Variants in PRIM2 observed in about 807,000 individuals in gnomAD.
PRIM2 encodes DNA primase large subunit.
PRIM2 carries 39 observed loss-of-function variants against 67.3 expected under a neutral mutation model. The observed-to-expected ratio is 0.58, with a 90% CI of 0.45 to 0.76. The LOEUF (loss-of-function observed/expected upper bound fraction) is 0.76, where lower values mean the gene tolerates loss of function less well. PRIM2 is among the 30% of genes least tolerant of loss of function. The probability of loss-of-function intolerance (pLI) is 0.00; values close to 1 mark genes in which losing one functional copy is unlikely to be tolerated. For missense variants in PRIM2, 398 were observed against 598.7 expected (o/e 0.66, Z 3.50); for synonymous variants, 143 against 198.7 (o/e 0.72, Z 2.36).
intron 5 of PRIM2, among the ~76,000 whole-genome samples, chr6:57,349,079 ACAGAAACC>A (rs1322830414): frequency 1.3e-5 from 2 of 152,078 alleles, no homozygotes; most frequent in Admixed American, 6.6e-5. Context: ...GTGAACAACA[ACAGAAACC>A]CAGAAACCAA....
At chr6:57,267,795 A>C in the PRIM2 span, among the ~76,000 whole-genome samples, 6 of 150,254 alleles carry the variant, frequency 4.0e-5, no homozygotes, top group African/African-American at 1.2e-4. Context: ...TGGTCTCGAA[A>C]ACCTGGCCTC....
chr6:57,366,482 C>T (rs1425738474), intron 5 of PRIM2, among the ~76,000 whole-genome samples: 1 of 151,940 alleles, frequency 6.6e-6, no homozygotes, highest in Non-Finnish European at 1.5e-5. Flanking sequence ...AGGGGTGATG[C>T]GTTGCTTGTG....
chr6:57,636,982 C>G (rs1777133176), intron 13 of PRIM2, among the ~76,000 whole-genome samples: 1 of 152,120 alleles, frequency 6.6e-6, no homozygotes, highest in Non-Finnish European at 1.5e-5. Context: ...CAGCAGGGGC[C>G]GACAGACATC....
rs535775359 is a variant in PRIM2, at chr6:57,386,647, T to C, written c.693+4479T>C. Among the ~76,000 whole-genome samples the C allele has an allele frequency of 8.6e-4, 129 of 149,780 alleles. 1 individual carries two copies. In the Middle Eastern group the frequency reaches 0.01, roughly 12 times the overall value. On this transcript the variant is annotated intron_variant, in intron 7 of 13. Coordinates refer to ENST00000615550, the MANE Select transcript of PRIM2 (RefSeq NM_000947.5). ...GTGGGAGTTGTTGCCTGGGAGCCTGTCCTGACAGCTGTGGAAAGGAGCAGG... is the reference window on the plus strand; with the variant it reads ...GTGGGAGTTGTTGCCTGGGAGCCTGCCCTGACAGCTGTGGAAAGGAGCAGG...
At chr6:57,395,621 T>A (rs1770493661) in intron 7 of PRIM2, among the ~76,000 whole-genome samples, 1 of 152,154 alleles carries the variant, frequency 6.6e-6, no homozygotes, top group African/African-American at 2.4e-5. Context: ...AGCTTTTTGT[T>A]TCATTTATCT....
the PRIM2 span, among the ~76,000 whole-genome samples, chr6:57,279,799 G>A: frequency 6.6e-6 from 1 of 152,180 alleles, no homozygotes; most frequent in African/African-American, 2.4e-5. Flanking sequence ...AATGCAAAAA[G>A]CAGCCAAAGT....
the PRIM2 span, among the ~76,000 whole-genome samples, chr6:57,272,154 C>T: frequency 2.0e-5 from 3 of 152,106 alleles, no homozygotes; most frequent in African/African-American, 7.2e-5. Context: ...CAGCTTGGTG[C>T]AGAGTTGAGT....
chr6:57,607,839 A>G (rs1776590285), intron 12 of PRIM2, among the ~76,000 whole-genome samples: 1 of 152,160 alleles, frequency 6.6e-6, no homozygotes, highest in Non-Finnish European at 1.5e-5. Flanking sequence ...TTAGGGCATT[A>G]GATAATTTAG....
At chr6:57,268,434 CAAAATGTCTATGCATAAAAGGTGA>C in the PRIM2 span, among the ~76,000 whole-genome samples, 1 of 151,896 alleles carries the variant, frequency 6.6e-6, no homozygotes, top group East Asian at 1.9e-4. Context: ...CACATGACAT[CAAAATGTCTATGCATAAAAGGTGA>C]AAAAAAATGC....
At chr6:57,338,006 TA>T (rs1240374155) in intron 5 of PRIM2, among the ~76,000 whole-genome samples, 2 of 151,644 alleles carry the variant, frequency 1.3e-5, no homozygotes, top group Admixed American at 1.3e-4. Context: ...ATAGACGCAA[TA>T]AAAAATGATA....
At chr6:57,271,458 T>C in the PRIM2 span, among the ~76,000 whole-genome samples, 2 of 152,238 alleles carry the variant, frequency 1.3e-5, no homozygotes, top group African/African-American at 2.4e-5. Context: ...TGTATTTCTG[T>C]GGGATTGGTG....
intron 7 of PRIM2, among the ~76,000 whole-genome samples, chr6:57,389,034 C>A (rs1212505349): frequency 1.3e-5 from 2 of 152,192 alleles, no homozygotes; most frequent in African/African-American, 4.8e-5. Flanking sequence ...GGGGCAGATC[C>A]TTAAATTGGA....
intron 8 of PRIM2, among the ~76,000 whole-genome samples, chr6:57,510,972 C>T (rs1361026825): frequency 2.4e-4 from 36 of 151,616 alleles, no homozygotes; most frequent in South Asian, 2.1e-4. Flanking sequence ...AGGTTGATAC[C>T]GAGATCATTA....
At chr6:57,251,889 T>C in the PRIM2 span, among the ~76,000 whole-genome samples, 1 of 152,212 alleles carries the variant, frequency 6.6e-6, no homozygotes, top group South Asian at 2.1e-4. Flanking sequence ...TTCCTTCCAA[T>C]TTCACCTGTT....
chr6:57,267,658 C>T, the PRIM2 span, among the ~76,000 whole-genome samples: 1 of 151,526 alleles, frequency 6.6e-6, no homozygotes, highest in African/African-American at 2.4e-5. Flanking sequence ...CTTGTAATTC[C>T]AGCACTTTGG....
chr6:57,318,523 T>A lies in PRIM2; in HGVS notation c.78T>A (p.Leu26=). The A allele has an allele frequency of 1.2e-6, 2 of 1,604,404 alleles. No homozygotes were observed. Among genetic ancestry groups the A allele is most frequent in the Non-Finnish European group, 1.7e-6 (2 of 1,174,946 alleles). ...GGAATGCTTCCTACCCTCATTGCCT[T>A]CAGTTTTACTTGCAGCCACCTTCTG... is the stretch of plus-strand genomic sequence containing the variant. ...DQRNASYPHC[L]QFYLQPPSEN... The change falls in exon 2 of 14, where the codon CTT becomes CTA. Residue 26 remains leucine (L), a synonymous_variant. Transcript: ENST00000615550.
chr6:57,505,379 A>G (rs1554347189), intron 7 of PRIM2: 1 of 152,158 alleles, frequency 6.6e-6, no homozygotes, highest in Non-Finnish European at 1.5e-5. Context: ...CATCAAGCAC[A>G]TGTGTTCCAG....
chr6:57,413,439 TG>T (rs1479442302), intron 7 of PRIM2, among the ~76,000 whole-genome samples: 1 of 151,696 alleles, frequency 6.6e-6, no homozygotes, highest in African/African-American at 2.4e-5. Context: ...GACCGAAATA[TG>T]TATTCCAATA....
chr6:57,335,273 C>T (rs1166649009), intron 5 of PRIM2, among the ~76,000 whole-genome samples: 304 of 152,258 alleles, frequency 2.0e-3, no homozygotes, highest in Non-Finnish European at 3.5e-3. Flanking sequence ...AAGGCAGCAG[C>T]GAGGCTGGGG....
Sources: allele counts gnomAD v4.1 joint callset (sites outside exome capture counted in the v4.1 genomes callset), GRCh38; gene constraint gnomAD v4.1.1; transcripts MANE v1.5; gene names NCBI Gene and HGNC (gene_info 2026-07-23, HGNC 2026-07-21).